Variants in STARD13 observed in about 807,000 individuals in gnomAD.
STARD13 encodes StAR related lipid transfer domain containing 13.
STARD13 carries 62 observed loss-of-function variants against 106.4 expected under a neutral mutation model. The observed-to-expected ratio is 0.58, with a 90% CI of 0.48 to 0.72. STARD13 has a LOEUF of 0.72. Ranked by LOEUF, STARD13 falls within the 30% of genes least tolerant of loss-of-function variation. The pLI, the probability that STARD13 is intolerant of heterozygous loss-of-function variation, is 0.00. For synonymous variants in STARD13, 565 were observed against 553.0 expected (o/e 1.02, Z -0.31); for missense variants, 1,387 against 1,424.0 (o/e 0.97, Z 0.42).
chr13:33,512,146 C>G, the STARD13 span, among the ~76,000 whole-genome samples: 1 of 152,070 alleles, frequency 6.6e-6, no homozygotes, highest in Admixed American at 6.5e-5. Flanking sequence ...ACCACTCTTC[C>G]CAATTAACAG....
At chr13:33,124,708 C>T (rs974868730) in intron 7 of STARD13, among the ~76,000 whole-genome samples, 3 of 112,124 alleles carry the variant, frequency 2.7e-5, no homozygotes, top group African/African-American at 8.8e-5. Context: ...TTAGTAAAAC[C>T]TCTAAGATTA....
rs149712594 is a variant in STARD13, at chr13:33,263,042, G to A, written c.169+22428C>T. Among the ~76,000 whole-genome samples the A allele has an allele frequency of 5.4e-3, 825 of 152,280 alleles. 11 individuals are homozygous for A. The highest frequency in any genetic ancestry group is 0.019 in the African/African-American group (778 of 41,538). On this transcript the variant is annotated intron_variant, in intron 1 of 13. Transcript: ENST00000336934. The stretch of plus-strand genomic sequence containing the variant: ...CATTCTGGCTCATCACTTACTAGTC[G>A]TAGAATCTTAAGCAAGTCACTCAGC...
the STARD13 span, among the ~76,000 whole-genome samples, chr13:33,416,980 T>A: frequency 6.6e-6 from 1 of 152,184 alleles, no homozygotes; most frequent in African/African-American, 2.4e-5. Flanking sequence ...CAAGACTATA[T>A]AAAGAATTGC....
chr13:33,356,568 TTCCTCA>T, the STARD13 span, among the ~76,000 whole-genome samples: 21 of 152,322 alleles, frequency 1.4e-4, no homozygotes, highest in African/African-American at 4.8e-4. Context: ...ATTTTCTGAG[TTCCTCA>T]GCCTCAGCAT....
the STARD13 span, among the ~76,000 whole-genome samples, chr13:33,447,648 T>A: frequency 6.6e-6 from 1 of 152,184 alleles, no homozygotes; most frequent in Non-Finnish European, 1.5e-5. Flanking sequence ...TAGATTTTGT[T>A]AGAAGGATTG....
At chr13:33,414,047 A>AAAAG in the STARD13 span, among the ~76,000 whole-genome samples, 2 of 143,678 alleles carry the variant, frequency 1.4e-5, no homozygotes, top group Admixed American at 6.9e-5. Flanking sequence ...AAAAAAAAAA[A>AAAAG]AAAGAAAAGA....
the STARD13 span, among the ~76,000 whole-genome samples, chr13:33,566,957 T>A: frequency 4.7e-5 from 7 of 148,272 alleles, no homozygotes; most frequent in Non-Finnish European, 1.0e-4. Context: ...GTTGTCTAAT[T>A]TGATGGTTCA....
chr13:33,190,014 C>T (rs1048840365), intron 1 of STARD13, among the ~76,000 whole-genome samples: 6 of 151,990 alleles, frequency 3.9e-5, no homozygotes, highest in African/African-American at 1.5e-4. Flanking sequence ...ACAACTTTCT[C>T]ATTATACTAG....
the STARD13 span, among the ~76,000 whole-genome samples, chr13:33,461,818 TA>T: frequency 2.0e-5 from 3 of 152,108 alleles, no homozygotes; most frequent in African/African-American, 7.2e-5. Flanking sequence ...ACACACTTTT[TA>T]GAATGGCAAG....
chr13:33,496,164 TCTA>T, the STARD13 span, among the ~76,000 whole-genome samples: 1 of 144,982 alleles, frequency 6.9e-6, no homozygotes, highest in Non-Finnish European at 1.5e-5. Flanking sequence ...TTTTATAATT[TCTA>T]CTTATTTAAA....
chr13:33,451,721 C>G, the STARD13 span, among the ~76,000 whole-genome samples: 1 of 151,890 alleles, frequency 6.6e-6, no homozygotes, highest in Non-Finnish European at 1.5e-5. Context: ...TGTGGTTATA[C>G]CGAGAATAAG....
chr13:33,184,982 A>C (rs1885612475), intron 1 of STARD13, among the ~76,000 whole-genome samples: 1 of 152,236 alleles, frequency 6.6e-6, no homozygotes. Context: ...TTTGAGGAAA[A>C]TCTATGCTCC....
chr13:33,472,579 C>T, the STARD13 span, among the ~76,000 whole-genome samples: 5 of 151,894 alleles, frequency 3.3e-5, no homozygotes, highest in Admixed American at 2.6e-4. Context: ...CAGTTGTTCC[C>T]TAGAGCAGGT....
chr13:33,508,836 T>C, the STARD13 span, among the ~76,000 whole-genome samples: 1 of 152,208 alleles, frequency 6.6e-6, no homozygotes, highest in Non-Finnish European at 1.5e-5. Context: ...AGAGTTTACT[T>C]ATACAAACCT....
chr13:33,165,609 C>T lies in STARD13; in HGVS notation c.242-191G>A, dbSNP rs147330125. On this transcript the variant is annotated intron_variant, in intron 2 of 13. Coordinates refer to ENST00000336934, the MANE Select transcript of STARD13 (RefSeq NM_178006.4). ...TGCTTTTAGGAGTACAATATAAGTG[C>T]GAAATATGAGGATAGTCAAGTGCTT... is the stretch of plus-strand genomic sequence containing the variant. Among the ~76,000 whole-genome samples the T allele has an allele frequency of 9.9e-3, 1,505 of 152,154 alleles. 11 individuals carry two copies. The highest frequency in any genetic ancestry group is 0.032 in the East Asian group (167 of 5,170).
At chr13:33,476,456 G>T in the STARD13 span, among the ~76,000 whole-genome samples, 2 of 152,132 alleles carry the variant, frequency 1.3e-5, no homozygotes, top group Non-Finnish European at 2.9e-5. Flanking sequence ...TTGTGCACTT[G>T]TTCTTACTTT....
At chr13:33,186,765 AAAACAAAATG>A (rs896792166) in intron 1 of STARD13, among the ~76,000 whole-genome samples, 95 of 152,334 alleles carry the variant, frequency 6.2e-4, no homozygotes, top group Admixed American at 9.8e-4. Context: ...TCAAAATAGC[AAAACAAAATG>A]AAACAAAAAA....
intron 7 of STARD13, among the ~76,000 whole-genome samples, chr13:33,120,471 C>T (rs1876109227): frequency 6.6e-6 from 1 of 152,166 alleles, no homozygotes; most frequent in Admixed American, 6.5e-5. Context: ...CTTAGGATGT[C>T]CAGAGGGTAG....
At chr13:33,378,572 C>T in the STARD13 span, among the ~76,000 whole-genome samples, 1 of 152,014 alleles carries the variant, frequency 6.6e-6, no homozygotes. Context: ...GGGCGGATCA[C>T]GAGGTCAGGA....
Sources: gnomAD v4.1 joint callset for allele counts (sites outside exome capture counted in the v4.1 genomes callset) on GRCh38, gnomAD v4.1.1 for gene constraint, MANE v1.5 for transcripts, NCBI Gene and HGNC (gene_info 2026-07-23, HGNC 2026-07-21) for gene names.